SOX6: variants seen among roughly 807,000 people sequenced by gnomAD.
SOX6 encodes the protein transcription factor SOX-6.
Under a neutral mutation model 97.8 loss-of-function variants are expected in SOX6, and 11 were observed. That is an observed-to-expected ratio of 0.11 (90% CI 0.07 to 0.19). The LOEUF is 0.19. Among genes scored for constraint, SOX6 ranks in the 10% least tolerant of loss-of-function variants. The pLI, the probability that SOX6 is intolerant of heterozygous loss-of-function variation, is 1.00. For missense variants in SOX6, 810 were observed against 1,039.5 expected (o/e 0.78, Z 3.04); for synonymous variants, 360 against 371.4 (o/e 0.97, Z 0.35).
At chr11:16,110,689 A>G (rs1260440373) in intron 7 of SOX6, among the ~76,000 whole-genome samples, 1 of 152,128 alleles carries the variant, frequency 6.6e-6, no homozygotes, top group African/African-American at 2.4e-5. Context: ...ACCTTTTCTT[A>G]CAAAGAAGGA....
chr11:16,371,344 CCTGA>C (rs1211342758), intron 1 of SOX6, among the ~76,000 whole-genome samples: 3 of 152,062 alleles, frequency 2.0e-5, no homozygotes, highest in African/African-American at 7.2e-5. Flanking sequence ...TGATACCCTC[CCTGA>C]CTATCCTATT....
Position 16,093,338 on chromosome 11 carries a change from G to A in SOX6, c.1101+2658C>T, listed in dbSNP as rs527284018. On this transcript the variant is annotated intron_variant, in intron 9 of 15. Transcript: ENST00000683767. ...GCAGAGAAAACCATGCCTTAGATCA[G>A]CACAGTAGTATTTTAAAAAATGGTC... Among the ~76,000 whole-genome samples the A allele has an allele frequency of 2.6e-5, 4 of 152,034 alleles. No homozygotes were observed. In the South Asian group the frequency reaches 8.3e-4, roughly 32 times the overall value.
chr11:16,703,010 CA>C (rs1848106304), intron 3 of SOX6, among the ~76,000 whole-genome samples: 1 of 150,886 alleles, frequency 6.6e-6, no homozygotes, highest in South Asian at 2.1e-4. Flanking sequence ...GAACATTTAG[CA>C]AATGAATAAA....
At chr11:16,423,468 T>C (rs1158362289) in intron 1 of SOX6, among the ~76,000 whole-genome samples, 1 of 152,204 alleles carries the variant, frequency 6.6e-6, no homozygotes, top group Non-Finnish European at 1.5e-5. Context: ...TCAATATTCC[T>C]ACCATCTAGA....
upstream of SOX6, among the ~76,000 whole-genome samples, chr11:16,360,465 A>C (rs1857182952): frequency 6.6e-6 from 1 of 152,198 alleles, no homozygotes; most frequent in South Asian, 2.1e-4. Context: ...ATTGGATCAA[A>C]ATAGATATGT....
intron 9 of SOX6, among the ~76,000 whole-genome samples, chr11:16,073,974 C>G: frequency 6.6e-6 from 1 of 151,966 alleles, no homozygotes; most frequent in Non-Finnish European, 1.5e-5. Context: ...TGCTAAATGC[C>G]CACATCAAAA....
intron 1 of SOX6, among the ~76,000 whole-genome samples, chr11:16,422,534 G>C (rs916409453): frequency 6.6e-6 from 1 of 152,162 alleles, no homozygotes; most frequent in Non-Finnish European, 1.5e-5. Context: ...GAAGTGATAA[G>C]GGCCTTTTGA....
chr11:16,583,482 T>C (rs1001834358), intron 4 of SOX6, among the ~76,000 whole-genome samples: 1 of 151,134 alleles, frequency 6.6e-6, no homozygotes, highest in African/African-American at 2.4e-5. Context: ...TTCTACTGTC[T>C]ACTTTTATGA....
At chr11:16,453,888 T>A (rs577802443) in intron 1 of SOX6, among the ~76,000 whole-genome samples, 5 of 152,150 alleles carry the variant, frequency 3.3e-5, no homozygotes, top group Non-Finnish European at 7.4e-5. Flanking sequence ...TACCGCCTCA[T>A]TTTATGATTA....
intron 4 of SOX6, among the ~76,000 whole-genome samples, chr11:16,516,442 T>C (rs1372303959): frequency 6.6e-6 from 1 of 152,100 alleles, no homozygotes; most frequent in African/African-American, 2.4e-5. Flanking sequence ...CTTAAGGAGA[T>C]TTTGGGCTGA....
chr11:16,733,723 TAAAA>T (rs34111311), intron 2 of SOX6, among the ~76,000 whole-genome samples: 4 of 116,686 alleles, frequency 3.4e-5, no homozygotes, highest in Admixed American at 8.6e-5. Context: ...ACTTAAAGTA[TAAAA>T]AAAAAAAAAA....
At chr11:16,663,049 A>G (rs139564092) in intron 3 of SOX6, among the ~76,000 whole-genome samples, 23 of 152,266 alleles carry the variant, frequency 1.5e-4, no homozygotes, top group African/African-American at 4.6e-4. Context: ...GTTAAAAAAA[A>G]AAAGAAAGAA....
intron 3 of SOX6, among the ~76,000 whole-genome samples, chr11:16,684,487 A>G (rs4757423): frequency 0.31 from 47,109 of 151,486 alleles, 8,781 homozygotes; most frequent in Non-Finnish European, 0.42. Flanking sequence ...AGGACAGAAA[A>G]CCAAACACTG....
intron 1 of SOX6, among the ~76,000 whole-genome samples, chr11:16,377,943 T>G (rs1309366248): frequency 6.6e-6 from 1 of 152,158 alleles, no homozygotes; most frequent in Non-Finnish European, 1.5e-5. Flanking sequence ...CATAAATTGG[T>G]GCATGCTTTC....
chr11:16,570,999 G>A (rs1847932432), intron 4 of SOX6, among the ~76,000 whole-genome samples: 1 of 151,780 alleles, frequency 6.6e-6, no homozygotes, highest in South Asian at 2.1e-4. Context: ...ACCAAATACT[G>A]TACTTTAAAA....
intron 6 of SOX6, among the ~76,000 whole-genome samples, chr11:16,147,324 G>C (rs1002213768): frequency 6.6e-6 from 1 of 152,048 alleles, no homozygotes. Flanking sequence ...GACACAGGAA[G>C]GGGAACATCA....
intron 1 of SOX6, among the ~76,000 whole-genome samples, chr11:16,365,323 A>T (rs1857328756): frequency 6.8e-6 from 1 of 147,356 alleles, no homozygotes; most frequent in Non-Finnish European, 1.5e-5. Context: ...GTGTGCATGC[A>T]CGTGTGTGTG....
intron 6 of SOX6, among the ~76,000 whole-genome samples, chr11:16,161,872 G>A (rs1471456061): frequency 1.3e-5 from 2 of 152,174 alleles, no homozygotes; most frequent in African/African-American, 4.8e-5. Context: ...GGAGGCTAAA[G>A]TTAAGGATAT....
At chr11:16,071,812 A>C (rs1848230476) in intron 9 of SOX6, among the ~76,000 whole-genome samples, 1 of 152,144 alleles carries the variant, frequency 6.6e-6, no homozygotes, top group African/African-American at 2.4e-5. Flanking sequence ...TGGAGACAGT[A>C]ATTGGAGGGG....
Sources: allele counts gnomAD v4.1 joint callset (sites outside exome capture counted in the v4.1 genomes callset), GRCh38; gene constraint gnomAD v4.1.1; transcripts MANE v1.5; gene names NCBI Gene and HGNC (gene_info 2026-07-23, HGNC 2026-07-21).